The following C16orf96 variants were observed in gnomAD, a reference collection of about 807,000 sequenced individuals.
C16orf96 encodes the protein uncharacterized protein C16orf96.
Under a neutral mutation model 103.6 loss-of-function variants are expected in C16orf96, and 108 were observed. The observed-to-expected ratio is 1.04, with a 90% CI of 0.89 to 1.22. C16orf96 has a LOEUF of 1.22. Ranked by LOEUF, C16orf96 falls within the 50% of genes most tolerant of loss-of-function variation. The pLI is 0.00. For synonymous variants in C16orf96, 566 were observed against 593.5 expected, an observed-to-expected ratio of 0.95 and a Z score of 0.67; for missense variants, 1,586 against 1,464.2, an observed-to-expected ratio of 1.08 and a Z score of -1.36.
chr16:4,599,466 GTCCACCTCC>G (rs1897240938), intron 15 of C16orf96, 102 bp downstream of exon 15: 2 of 1,019,546 alleles, frequency 2.0e-6, no homozygotes, highest in Admixed American at 2.0e-5. Context: ...GGGCTCTCCT[GTCCACCTCC>G]TCCACCTCCT....
intron 1 of C16orf96, among the ~76,000 whole-genome samples, chr16:4,565,558 A>G (rs2059378423): frequency 6.6e-6 from 1 of 152,224 alleles, no homozygotes; most frequent in Non-Finnish European, 1.5e-5. Context: ...GCACAGTCTC[A>G]GCTCACTGCA....
Position 4,575,188 on chromosome 16 carries a change from A to C in C16orf96, c.708A>C (p.Ser236=). The C allele has an allele frequency of 6.5e-7, 1 of 1,546,132 alleles. No individual in the cohort carries two copies. Among genetic ancestry groups the C allele is most frequent in the Non-Finnish European group, 8.7e-7 (1 of 1,146,572 alleles). ...DAMFTSEIGS[S]PLDLWQSVEQ... is the part of the protein sequence containing the mutation. The stretch of plus-strand genomic sequence containing the variant: ...CTCTTCTGCAGGAAATTGGTTCATC[A>C]CCACTGGACCTGTGGCAGTCTGTAG... The change falls in exon 5 of 16, where the codon TCA becomes TCC. Residue 236 remains serine (S), a synonymous_variant. Transcript: ENST00000444310.
chr16:4,580,069 T>A lies in C16orf96; in HGVS notation c.2296T>A (p.Tyr766Asn), dbSNP rs1360331857. 6.5e-7 allele frequency: 1 copy of A among 1,549,816 alleles called. No homozygotes were observed. Among genetic ancestry groups the A allele is most frequent in the South Asian group, 1.2e-5 (1 of 83,888 alleles). ...CCAAATAGAGATGATGAAGGATCGCTACATCACTTTGGACAAGGCGGTGGA... is the reference window on the plus strand; with the variant it reads ...CCAAATAGAGATGATGAAGGATCGCAACATCACTTTGGACAAGGCGGTGGA... ...GNQIEMMKDR[Y>N]ITLDKAVENL... Residue 766 changes from tyrosine (Y) to asparagine (N), a missense_variant, in exon 7 of 16, where the codon TAC becomes AAC. Tyr to Asn is a moderately radical substitution (Grantham distance 143, BLOSUM62 -2). Transcript: ENST00000444310.
chr16:4,571,494 T>C, intron 1 of C16orf96, 67 bp from the exon 2 acceptor site: 1 of 1,364,610 alleles, frequency 7.3e-7, no homozygotes, highest in Non-Finnish European at 1.0e-6. Flanking sequence ...ATCAGAAAGC[T>C]TCTGCACTTC....
chr16:4,562,572 AT>A (rs2141696850), intron 1 of C16orf96, among the ~76,000 whole-genome samples: 1 of 152,102 alleles, frequency 6.6e-6, no homozygotes, highest in African/African-American at 2.4e-5. Context: ...TTAAGATTGT[AT>A]TACTTGATTT....
chr16:4,589,679 A>T (rs1009453991), intron 9 of C16orf96, among the ~76,000 whole-genome samples: 5 of 152,170 alleles, frequency 3.3e-5, no homozygotes. Context: ...GTTTAATTGA[A>T]CCACATCTAC....
Position 4,600,162 on chromosome 16 carries a change from C to T in C16orf96, c.3271C>T (p.Arg1091Ter), listed in dbSNP as rs370383361. 362 of 1,551,626 alleles carry T rather than the reference C, an allele frequency of 2.3e-4. 1 individual carries two copies. The African/African-American group carries it at 4.4e-3, about 19-fold the overall frequency. ...GGGCCCTCACCTGACGATGCCAGCT[C>T]GACCACCTTCCCTGCCACCTCTGCT... ...ASGPHLTMPARPPSLPPLLLL... is the reference protein window; with the variant it reads ...ASGPHLTMPA The change falls in exon 16 of 16, where the codon CGA (arginine) becomes TGA (stop). Residue 1091 changes from arginine to a stop codon, truncating the protein, a stop_gained. Transcript: ENST00000444310. LOFTEE classifies it low-confidence loss of function (END_TRUNC).
upstream of C16orf96, among the ~76,000 whole-genome samples, chr16:4,553,984 C>T (rs146718295): frequency 5.0e-3 from 768 of 152,252 alleles, 6 homozygotes; most frequent in African/African-American, 0.018. Flanking sequence ...TGCTGTGTGG[C>T]GCGGGACCAG....
intron 15 of C16orf96, 84 bp from the exon 16 acceptor site, chr16:4,600,016 C>T: frequency 7.5e-7 from 1 of 1,327,746 alleles, no homozygotes. Context: ...CTTCTCTTCT[C>T]TTTAGTGGGG....
At chr16:4,554,067 A>G (rs2059242578), upstream of C16orf96, among the ~76,000 whole-genome samples, 1 of 152,080 alleles carries the variant, frequency 6.6e-6, no homozygotes, top group East Asian at 1.9e-4. Context: ...GTCCCTGCAG[A>G]CTTTCCCAGG....
intron 1 of C16orf96, among the ~76,000 whole-genome samples, chr16:4,564,401 T>G (rs558629416): frequency 6.6e-6 from 1 of 152,202 alleles, no homozygotes; most frequent in African/African-American, 2.4e-5. Flanking sequence ...TCTAAGGGGA[T>G]GCTAACAACC....
rs1265266686 is a variant in C16orf96 at position 4,575,184 on chromosome 16, C to A, written c.704C>A (p.Ser235Ter). Residue 235 changes from serine (S) to a stop codon, truncating the protein, a stop_gained, in exon 5 of 16, where the codon TCA (serine) becomes TAA (stop). Transcript: ENST00000444310. LOFTEE classifies it high-confidence loss of function. ...HDAMFTSEIG[S>*]SPLDLWQSVE... ...CCCCCTCTTCTGCAGGAAATTGGTT[C>A]ATCACCACTGGACCTGTGGCAGTCT... 6 of 1,545,976 alleles carry A rather than the reference C, an allele frequency of 3.9e-6. No homozygotes were observed. In the Admixed American group the frequency reaches 7.8e-5, roughly 20 times the overall value.
intron 1 of C16orf96, chr16:4,563,022 C>T: frequency 1.0e-6 from 1 of 983,240 alleles, no homozygotes; most frequent in African/African-American, 1.6e-5. Flanking sequence ...ACCATCTCTG[C>T]TGCTGCTCCT....
chr16:4,555,136 G>A (rs2059250413), upstream of C16orf96, among the ~76,000 whole-genome samples: 1 of 151,266 alleles, frequency 6.6e-6, no homozygotes, highest in Admixed American at 6.6e-5. Context: ...GGTGGCAGGC[G>A]CCTGTGATCC....
chr16:4,599,411 G>A (rs1255845293), intron 15 of C16orf96, 47 bp downstream of exon 15: 3 of 1,483,672 alleles, frequency 2.0e-6, no homozygotes, highest in South Asian at 1.2e-5. Flanking sequence ...TTCTGGAAGG[G>A]TCTCCAGTCC....
At chr16:4,561,568 C>T (rs957979833) in intron 1 of C16orf96, 2 of 152,284 alleles carry the variant, frequency 1.3e-5, no homozygotes, top group Non-Finnish European at 2.9e-5. Context: ...AACAGGGCAA[C>T]CCACCCAGCT....
rs767873727 is a variant in C16orf96, at chr16:4,576,313, G to A, written c.1833G>A (p.Thr611=). The change falls in exon 5 of 16, where the codon ACG becomes ACA. Residue 611 remains threonine (T), a synonymous_variant. Transcript: ENST00000444310. Reference sequence around the variant, plus strand: ...AAATGGCCGCCATTGCAACAGACACGGCTGCAGCTGGGCCCCTAGGGGTCT... The same window carrying A: ...AAATGGCCGCCATTGCAACAGACACAGCTGCAGCTGGGCCCCTAGGGGTCT... ...ATKMAAIATD[T]AAAGPLGVFA... is the part of the protein sequence containing the mutation. The A allele has an allele frequency of 1.1e-4, 169 of 1,550,664 alleles. No homozygotes were observed. The highest frequency in any genetic ancestry group is 7.1e-4 in the Admixed American group (36 of 50,986).
rs1004922400 is a variant in C16orf96, at chr16:4,594,501, C to T, written c.3018C>T (p.Asp1006=). The part of the protein sequence containing the change: ...LYPYGDPHVI[D]YDSAEVDILG... Reference sequence around the variant, plus strand: ...CCTACGGGGATCCCCACGTGATCGACTATGACAGCGTGAGTCTGGCCGGGG... The same window carrying T: ...CCTACGGGGATCCCCACGTGATCGATTATGACAGCGTGAGTCTGGCCGGGG... The change falls in exon 13 of 16, where the codon GAC becomes GAT. Residue 1006 remains aspartate (D), a synonymous_variant. Transcript: ENST00000444310. 1.3e-6 allele frequency: 2 copies of T among 1,551,032 alleles called. No homozygotes were observed. The highest frequency in any genetic ancestry group is 1.7e-6 in the Non-Finnish European group (2 of 1,146,820).
At chr16:4,552,685 C>G (rs13334411), upstream of C16orf96, among the ~76,000 whole-genome samples, 1 of 151,804 alleles carries the variant, frequency 6.6e-6, no homozygotes, top group East Asian at 1.9e-4. Context: ...GGGTTCCGGT[C>G]GAGGGCTGGA....
Sources: allele counts gnomAD v4.1 joint callset (sites outside exome capture counted in the v4.1 genomes callset), GRCh38; gene constraint gnomAD v4.1.1; transcripts MANE v1.5; gene names NCBI Gene and HGNC (gene_info 2026-07-23, HGNC 2026-07-21).